B4GALT7: variants seen among roughly 807,000 people sequenced by gnomAD.
B4GALT7 encodes the protein UDP-Gal:beta-GlcNAc beta-1,4-galactosyltransferase 7.
A neutral mutation model predicts 33.0 loss-of-function variants in B4GALT7; 30 were observed. The observed-to-expected ratio is 0.91, with a 90% confidence interval of 0.68 to 1.23. B4GALT7 has a LOEUF of 1.23. Ranked by LOEUF, B4GALT7 falls within the 50% of genes most tolerant of loss-of-function variation. The pLI is 0.00. For synonymous variants in B4GALT7, 213 were observed against 187.2 expected (o/e 1.14, Z -1.13); for missense variants, 507 against 450.8 (o/e 1.12, Z -1.13).
At chr5:177,602,840 G>A in intron 1 of B4GALT7, 12 of 982,494 alleles carry the variant, frequency 1.2e-5, no homozygotes, top group Non-Finnish European at 1.4e-5. Context: ...GAACAGATGA[G>A]TGAGGAAGGA....
chr5:177,604,567 C>T, intron 2 of B4GALT7, 26 bp downstream of exon 2: 1 of 1,613,132 alleles, frequency 6.2e-7, no homozygotes, highest in Non-Finnish European at 8.5e-7. Flanking sequence ...ACCCTCTCCC[C>T]TCGGCACCCC....
In B4GALT7 at chr5:177,606,127, A is replaced by G. The variant is rs1383716653; in HGVS notation, c.414-1175A>G. 1.3e-5 allele frequency: 2 copies of G among 151,896 alleles called. No homozygotes were observed. The highest frequency in any genetic ancestry group is 2.9e-5 in the Non-Finnish European group (2 of 68,018). The allele number at this position is 151,896 out of a possible 1,614,324, so 9.4% of individuals were successfully genotyped here. On this transcript the variant is annotated intron_variant, in intron 2 of 5. Coordinates refer to ENST00000029410, the MANE Select transcript of B4GALT7 (RefSeq NM_007255.3). This position sits in a 1 kb window ranked among gnomAD's most constrained non-coding sequence, Gnocchi z 4.2. The stretch of plus-strand genomic sequence containing the variant: ...GGTGCTTCGGCAGCCCCCCTTTTTT[A>G]ACTCCAGGTGTTCCTTGGGGCATCT...
intron 1 of B4GALT7, among the ~76,000 whole-genome samples, chr5:177,603,733 A>G (rs1767900769): frequency 6.6e-6 from 1 of 152,052 alleles, no homozygotes; most frequent in Admixed American, 6.5e-5. Context: ...GCTGGGGTGG[A>G]TCTGTAGGGG....
chr5:177,609,314 C>G (rs1374310583), intron 5 of B4GALT7, among the ~76,000 whole-genome samples: 3 of 152,192 alleles, frequency 2.0e-5, no homozygotes, highest in South Asian at 2.1e-4. Context: ...ATCCCACCCT[C>G]AAACAGCCCC....
At position 177,608,682 on chromosome 5, in the gene B4GALT7, CTGT is replaced by C. The variant is rs1216126032; in HGVS notation, c.723+62_723+64del. On this transcript the variant is annotated intron_variant, in intron 4 of 5. Transcript: ENST00000029410. This position sits in a 1 kb window ranked among gnomAD's most constrained non-coding sequence, Gnocchi z 4.1. ...GCGGTGGCTGCCCTGAGATTTTCTT[CTGT>C]TTCCTCAGATGAAGCTCCTGGGGTC... is the stretch of plus-strand genomic sequence containing the variant. 3.3e-6 allele frequency: 5 copies of C among 1,514,602 alleles called. No individual in the cohort carries two copies. Among genetic ancestry groups the C allele is most frequent in the Non-Finnish European group, 4.6e-6 (5 of 1,096,960 alleles). The allele number at this position is 1,514,602 out of a possible 1,614,324, so 93.8% of individuals were successfully genotyped here. A position where few individuals can be genotyped will look rare whatever the true frequency, so the allele number is the denominator to read the frequency against.
chr5:177,607,587 T>TG, intron 3 of B4GALT7, 60 bp downstream of exon 3: 12 of 1,495,448 alleles, frequency 8.0e-6, no homozygotes. Flanking sequence ...CTGCGGGTGG[T>TG]GGGAAGGATG....
rs1407709637 is a variant in B4GALT7, at chr5:177,600,134, A to G, written c.-77A>G. 1.0e-5 allele frequency: 11 copies of G among 1,084,870 alleles called. No individual in the cohort carries two copies. The highest frequency in any genetic ancestry group is 9.2e-6 in the Non-Finnish European group (8 of 871,094). The allele number at this position is 1,084,870 out of a possible 1,614,324, so 67.2% of individuals were successfully genotyped here. A position where few individuals can be genotyped will look rare whatever the true frequency, so the allele number is the denominator to read the frequency against. ...CAGGCCTGGGCGGAGCGGGAGGCGG[A>G]GGCGCCGCGTAGGCCCGGGAGGCCG... On this transcript the variant is annotated 5_prime_UTR_variant, in exon 1 of 6. Coordinates refer to ENST00000029410, the MANE Select transcript of B4GALT7 (RefSeq NM_007255.3). This position sits in a 1 kb window ranked among gnomAD's most constrained non-coding sequence, Gnocchi z 4.4.
chr5:177,609,481 G>A (rs909081856), intron 5 of B4GALT7, 59 bp from the exon 6 acceptor site: 19 of 1,602,234 alleles, frequency 1.2e-5, no homozygotes, highest in Non-Finnish European at 1.6e-5. Flanking sequence ...TGTGGGGTCA[G>A]TGGGTAGCTG....
chr5:177,607,266 G>A (rs751007631), intron 2 of B4GALT7, 36 bp from the exon 3 acceptor site: 9 of 1,552,932 alleles, frequency 5.8e-6, no homozygotes, highest in East Asian at 4.8e-5. Context: ...GTGAGCCCGT[G>A]TGCTGCCCCT....
chr5:177,607,936 C>T, intron 3 of B4GALT7: 1 of 299,154 alleles, frequency 3.3e-6, no homozygotes, highest in South Asian at 3.4e-5. Context: ...AGATGGGGCC[C>T]TTCCCTTGTA....
Position 177,600,166 on chromosome 5 carries a change from C to A in B4GALT7, c.-45C>A. On this transcript the variant is annotated 5_prime_UTR_variant, in exon 1 of 6. Transcript: ENST00000029410. This position sits in a 1 kb window ranked among gnomAD's most constrained non-coding sequence, Gnocchi z 4.4. Reference sequence around the variant, plus strand: ...GCGTAGGCCCGGGAGGCCGGGCCGGCCGGGCTGCGAGCGCCTGCCCCATGC... The same window carrying A: ...GCGTAGGCCCGGGAGGCCGGGCCGGACGGGCTGCGAGCGCCTGCCCCATGC... 1 of 1,237,596 alleles carries A rather than the reference C, an allele frequency of 8.1e-7. No homozygotes were observed. The highest frequency in any genetic ancestry group is 1.0e-6 in the Non-Finnish European group (1 of 989,890). The allele number at this position is 1,237,596 out of a possible 1,614,324, so 76.7% of individuals were successfully genotyped here.
rs756247385 is a variant in B4GALT7 at position 177,600,187 on chromosome 5, C to T, written c.-24C>T. 25 of 1,345,296 alleles carry T rather than the reference C, an allele frequency of 1.9e-5. No individual in the cohort carries two copies. The highest frequency in any genetic ancestry group is 8.8e-5 in the South Asian group (5 of 56,924). 83.3% of individuals were successfully genotyped at this position (1,345,296 alleles called of 1,614,324 possible). On this transcript the variant is annotated 5_prime_UTR_variant, in exon 1 of 6. Coordinates refer to ENST00000029410, the MANE Select transcript of B4GALT7 (RefSeq NM_007255.3). The surrounding 1 kb of genome is among the most constrained non-coding windows in gnomAD (Gnocchi z 4.4). ...CCGGCCGGGCTGCGAGCGCCTGCCC[C>T]ATGCGCCGCCGCCTCTCCGCACGAT...
chr5:177,605,031 T>A (rs1357439791), intron 2 of B4GALT7: 2 of 455,806 alleles, frequency 4.4e-6, no homozygotes, highest in South Asian at 3.1e-5. Context: ...AGCCCCCACC[T>A]CCTTTCCCTC....
At chr5:177,604,805 G>A (rs1034997508) in intron 2 of B4GALT7, among the ~76,000 whole-genome samples, 1 of 152,162 alleles carries the variant, frequency 6.6e-6, no homozygotes, top group Non-Finnish European at 1.5e-5. Context: ...TGTGGTCTGC[G>A]GTGACAGTGG....
At chr5:177,602,999 C>A in intron 1 of B4GALT7, 1 of 413,058 alleles carries the variant, frequency 2.4e-6, no homozygotes, top group Non-Finnish European at 3.3e-6. Flanking sequence ...GCTTCTGCCT[C>A]AGCCTCCCAA....
intron 2 of B4GALT7, chr5:177,605,090 T>G (rs904617627): frequency 8.8e-6 from 4 of 454,392 alleles, no homozygotes; most frequent in African/African-American, 2.0e-5. Flanking sequence ...CAGCCTGATC[T>G]TCCCACCTTT....
At position 177,600,510 on chromosome 5, in the gene B4GALT7, G is replaced by A. The variant is rs1188208397; in HGVS notation, c.50+250G>A. 8.1e-6 allele frequency among the ~76,000 whole-genome samples: 1 copy of A among 124,052 alleles called. No homozygotes were observed. Among genetic ancestry groups the A allele is most frequent in the Non-Finnish European group, 1.6e-5 (1 of 62,616 alleles). The allele number at this position is 124,052 out of a possible 152,430, so 81.4% of individuals were successfully genotyped here. A position where few individuals can be genotyped will look rare whatever the true frequency, so the allele number is the denominator to read the frequency against. ...TCCCCCAGCACCTTCCCCCCGGCCC[G>A]TGGGTCCGTATTTCTCCATTGACTT... On this transcript the variant is annotated intron_variant, in intron 1 of 5. Coordinates refer to ENST00000029410, the MANE Select transcript of B4GALT7 (RefSeq NM_007255.3). This position sits in a 1 kb window ranked among gnomAD's most constrained non-coding sequence, Gnocchi z 4.4.
rs760676493 is a variant in B4GALT7 at position 177,608,638 on chromosome 5, C to A, written c.723+16C>A. 1.2e-6 allele frequency: 2 copies of A among 1,610,334 alleles called. No homozygotes were observed. The highest frequency in any genetic ancestry group is 1.7e-6 in the Non-Finnish European group (2 of 1,177,822). ...TGGGCTCCAGGTGAGATTCCCCGGG[C>A]CCCGCCGCCACCTCAGCTGCGGTGG... is the stretch of plus-strand genomic sequence containing the variant. On this transcript the variant is annotated intron_variant, in intron 4 of 5. Transcript: ENST00000029410. The surrounding 1 kb of genome is among the most constrained non-coding windows in gnomAD (Gnocchi z 4.1).
rs1431176722 is a variant in B4GALT7, at chr5:177,608,353, T to G, written c.640-186T>G. On this transcript the variant is annotated intron_variant, in intron 3 of 5. Transcript: ENST00000029410. This position sits in a 1 kb window ranked among gnomAD's most constrained non-coding sequence, Gnocchi z 4.1. ...CCTCTCACACAGGTTCAAGGCCCCG[T>G]GAGAACGGGAGAGGGCCCGGGACGC... The G allele has an allele frequency of 1.8e-5, 11 of 602,596 alleles. No individual in the cohort carries two copies. The East Asian group carries it at 2.8e-4, about 15-fold the overall frequency. The allele number at this position is 602,596 out of a possible 1,614,324, so 37.3% of individuals were successfully genotyped here. A position where few individuals can be genotyped will look rare whatever the true frequency, so the allele number is the denominator to read the frequency against.
Sources: allele counts gnomAD v4.1 joint callset (sites outside exome capture counted in the v4.1 genomes callset), GRCh38; gene constraint gnomAD v4.1.1; non-coding constraint Gnocchi (gnomAD v3.1); transcripts MANE v1.5; gene names NCBI Gene and HGNC (gene_info 2026-07-23, HGNC 2026-07-21).